CDH1: variants seen among roughly 807,000 people sequenced by gnomAD.
The protein encoded by CDH1 is cadherin-1.
CDH1 carries 35 observed loss-of-function variants against 84.5 expected under a neutral mutation model. The observed-to-expected ratio is 0.41, with a 90% CI of 0.32 to 0.55. The LOEUF is 0.55. Ranked by LOEUF, CDH1 falls within the 20% of genes least tolerant of loss-of-function variation. The pLI is 0.19. For missense variants in CDH1, 994 were observed against 1,126.6 expected, an observed-to-expected ratio of 0.88 and a Z score of 1.68; for synonymous variants, 417 against 439.0, an observed-to-expected ratio of 0.95 and a Z score of 0.63.
In CDH1 at chr16:68,821,469, C is replaced by CAAA. The variant is rs58762668; in HGVS notation, c.1712-518_1712-516dup. 8.3e-4 allele frequency among the ~76,000 whole-genome samples: 77 copies of CAAA among 93,032 alleles called. 1 individual carries two copies. Among genetic ancestry groups the CAAA allele is most frequent in the Middle Eastern group, 6.2e-3 (1 of 162 alleles). 61.0% of individuals were successfully genotyped at this position (93,032 alleles called of 152,430 possible). ...TGGGTGACAGAGTGAGACTCTGCCT[C>CAAA]AAAAAAAAAAAAAAAAGCGTATGTG... On this transcript the variant is annotated intron_variant, in intron 11 of 15. Transcript: ENST00000261769.
At chr16:68,825,803 C>CT (rs869187109) in intron 13 of CDH1, among the ~76,000 whole-genome samples, 6,055 of 94,498 alleles carry the variant, frequency 0.064, 680 homozygotes, top group African/African-American at 0.17. Flanking sequence ...TAAAGGGAAT[C>CT]TTTTTTTTTT....
At chr16:68,816,804 T>A (rs1960999231) in intron 10 of CDH1, among the ~76,000 whole-genome samples, 1 of 152,218 alleles carries the variant, frequency 6.6e-6, no homozygotes, top group Non-Finnish European at 1.5e-5. Flanking sequence ...GGACTCCTCA[T>A]AATCTAGAGA....
At chr16:68,737,764 T>G (rs1597837987) in intron 1 of CDH1, among the ~76,000 whole-genome samples, 5 of 139,530 alleles carry the variant, frequency 3.6e-5, no homozygotes, top group Non-Finnish European at 7.9e-5. Flanking sequence ...TGAAGCGGGG[T>G]GTAGGGGGTG....
At chr16:68,831,258 T>A (rs1303537255) in intron 15 of CDH1, among the ~76,000 whole-genome samples, 16 of 147,798 alleles carry the variant, frequency 1.1e-4, no homozygotes, top group Admixed American at 3.3e-4. Flanking sequence ...TTTTTTTTTT[T>A]AATTTTATTT....
At chr16:68,763,883 A>C (rs1435309464) in intron 2 of CDH1, among the ~76,000 whole-genome samples, 1 of 152,210 alleles carries the variant, frequency 6.6e-6, no homozygotes, top group Non-Finnish European at 1.5e-5. Flanking sequence ...TGCATTTTAA[A>C]ATAAGCCCAT....
chr16:68,768,694 A>G (rs1418729283), intron 2 of CDH1, among the ~76,000 whole-genome samples: 1 of 152,172 alleles, frequency 6.6e-6, no homozygotes, highest in Non-Finnish European at 1.5e-5. Flanking sequence ...TCTCTTAATA[A>G]AAAGAACAAA....
At chr16:68,801,302 G>C (rs1290898915) in intron 2 of CDH1, among the ~76,000 whole-genome samples, 1 of 151,942 alleles carries the variant, frequency 6.6e-6, no homozygotes, top group East Asian at 1.9e-4. Context: ...TTTTAGTAGA[G>C]ACAGGGTTTC....
chr16:68,810,385 G>T, intron 6 of CDH1, 44 bp downstream of exon 6: 3 of 1,591,870 alleles, frequency 1.9e-6, no homozygotes, highest in Non-Finnish European at 2.6e-6. Context: ...AAGACTCTTA[G>T]GTTCTTTGGA....
At chr16:68,825,756 C>T (rs1961303856) in intron 13 of CDH1, among the ~76,000 whole-genome samples, 1 of 145,870 alleles carries the variant, frequency 6.9e-6, no homozygotes, top group African/African-American at 2.6e-5. Context: ...GCCTGGTCTG[C>T]TTTTGGTATA....
intron 2 of CDH1, among the ~76,000 whole-genome samples, chr16:68,764,150 C>T (rs143760015): frequency 1.0e-3 from 154 of 152,234 alleles, no homozygotes; most frequent in Middle Eastern, 6.8e-3. Flanking sequence ...TGAAGCTACC[C>T]GAAGTTGTAG....
At chr16:68,757,832 A>C (rs1597854158) in intron 2 of CDH1, among the ~76,000 whole-genome samples, 2 of 146,584 alleles carry the variant, frequency 1.4e-5, no homozygotes, top group East Asian at 4.0e-4. Context: ...TTTTTCTGTC[A>C]CCCAGGCTGG....
At chr16:68,785,065 T>C (rs531360425) in intron 2 of CDH1, among the ~76,000 whole-genome samples, 22 of 152,272 alleles carry the variant, frequency 1.4e-4, no homozygotes, top group African/African-American at 5.3e-4. Flanking sequence ...AAAGTTCTAC[T>C]CCCACCCTGT....
intron 2 of CDH1, among the ~76,000 whole-genome samples, chr16:68,760,006 G>A (rs192420682): frequency 3.2e-4 from 49 of 151,472 alleles, no homozygotes; most frequent in African/African-American, 1.0e-3. Context: ...CTTTTCCACC[G>A]TGCCCGGCTG....
At position 68,820,184 on chromosome 16, in the gene CDH1, G is replaced by A. The variant is rs996972095; in HGVS notation, c.1711+759G>A. 4.6e-5 allele frequency among the ~76,000 whole-genome samples: 7 copies of A among 151,778 alleles called. 1 individual carries two copies. The highest frequency in any genetic ancestry group is 1.5e-5 in the Non-Finnish European group (1 of 67,974). On this transcript the variant is annotated intron_variant, in intron 11 of 15. Transcript: ENST00000261769. ...ACTGCTCTCCATCCTGGGCAACAGA[G>A]CAAGACTCTGTCTCCAAAAAAAAAA... is the stretch of plus-strand genomic sequence containing the variant.
intron 2 of CDH1, among the ~76,000 whole-genome samples, chr16:68,746,641 T>C (rs1962753040): frequency 2.0e-5 from 3 of 151,888 alleles, no homozygotes; most frequent in Admixed American, 2.0e-4. Context: ...GAGAACTCTA[T>C]GGATGCAAGG....
At position 68,801,883 on chromosome 16, in the gene CDH1, C is replaced by A. The variant is rs746703615; in HGVS notation, c.377C>A (p.Pro126Gln). The A allele has an allele frequency of 3.7e-6, 6 of 1,613,596 alleles. No homozygotes were observed. The East Asian group carries it at 6.7e-5, about 18-fold the overall frequency. ...ACAGTGGGGCACCACCACCGCCCCCCGCCCCATCAGGTATGTTGGCATTTT... is the reference window on the plus strand; with the variant it reads ...ACAGTGGGGCACCACCACCGCCCCCAGCCCCATCAGGTATGTTGGCATTTT... ...LNTVGHHHRPPPHQASVSGIQ... is the reference protein window; with the variant it reads ...LNTVGHHHRPQPHQASVSGIQ... The change falls in exon 3 of 16, where the codon CCG becomes CAG. Residue 126 changes from proline (P) to glutamine (Q), a missense_variant. By Grantham distance (76) the Pro-to-Gln change is moderately conservative. Coordinates refer to ENST00000261769, the MANE Select transcript of CDH1 (RefSeq NM_004360.5).
chr16:68,820,960 A>T (rs948579860), intron 11 of CDH1, among the ~76,000 whole-genome samples: 1 of 152,162 alleles, frequency 6.6e-6, no homozygotes, highest in Non-Finnish European at 1.5e-5. Context: ...ATTTTAAATG[A>T]CGTGTGCTCA....
At chr16:68,758,762 T>C (rs1175368151) in intron 2 of CDH1, among the ~76,000 whole-genome samples, 3 of 151,598 alleles carry the variant, frequency 2.0e-5, no homozygotes, top group African/African-American at 7.3e-5. Context: ...GCTCTTGACC[T>C]CCTAAAGAAT....
rs1961436955 is a variant in CDH1, at chr16:68,829,870, A to G, written c.2439+73A>G. On this transcript the variant is annotated intron_variant, in intron 15 of 15. Coordinates refer to ENST00000261769, the MANE Select transcript of CDH1 (RefSeq NM_004360.5). ...AGGAGGAGTTGTGTCAAAAATGAGAAAAAGAGTCTTTAGATTCTTTCCTTT... is the reference window on the plus strand; with the variant it reads ...AGGAGGAGTTGTGTCAAAAATGAGAGAAAGAGTCTTTAGATTCTTTCCTTT... 6.1e-6 allele frequency: 9 copies of G among 1,469,672 alleles called. No homozygotes were observed. In the Admixed American group the frequency reaches 1.5e-4, roughly 25 times the overall value. The allele number at this position is 1,469,672 out of a possible 1,614,324, so 91.0% of individuals were successfully genotyped here. A position where few individuals can be genotyped will look rare whatever the true frequency, so the allele number is the denominator to read the frequency against.
Sources: allele counts gnomAD v4.1 joint callset (sites outside exome capture counted in the v4.1 genomes callset), GRCh38; gene constraint gnomAD v4.1.1; transcripts MANE v1.5; gene names NCBI Gene and HGNC (gene_info 2026-07-23, HGNC 2026-07-21).